Variants in ANKRD44 observed in about 807,000 individuals in gnomAD.
The protein encoded by ANKRD44 is serine/threonine-protein phosphatase 6 regulatory ankyrin repeat subunit B.
A neutral mutation model predicts 116.0 loss-of-function variants in ANKRD44; 35 were observed. The ratio of observed to expected loss-of-function variants is 0.30; its 90% CI spans 0.23 to 0.40. ANKRD44 has a LOEUF of 0.40. Among genes scored for constraint, ANKRD44 ranks in the 10% least tolerant of loss-of-function variants. ANKRD44 has a pLI of 1.00. For missense variants in ANKRD44, 1,014 were observed against 1,242.6 expected (o/e 0.82, Z 2.77); for synonymous variants, 435 against 461.8 (o/e 0.94, Z 0.74).
chr2:197,177,620 A>G (rs1487153817), intron 2 of ANKRD44, among the ~76,000 whole-genome samples: 1 of 152,156 alleles, frequency 6.6e-6, no homozygotes, highest in African/African-American at 2.4e-5. Context: ...ATATATTTAT[A>G]TAAATTTTTT....
intron 1 of ANKRD44, among the ~76,000 whole-genome samples, chr2:197,306,652 G>A (rs2084082802): frequency 6.6e-6 from 1 of 152,138 alleles, no homozygotes; most frequent in South Asian, 2.1e-4. Context: ...GGGAGCCATG[G>A]AAGAACAAGG....
intron 1 of ANKRD44, among the ~76,000 whole-genome samples, chr2:197,288,424 C>A (rs542655223): frequency 6.6e-6 from 1 of 152,106 alleles, no homozygotes; most frequent in African/African-American, 2.4e-5. Context: ...GCATGGCAAT[C>A]TCTCAAAGAA....
At chr2:197,119,861 G>A (rs1367461115) in intron 8 of ANKRD44, among the ~76,000 whole-genome samples, 2 of 152,118 alleles carry the variant, frequency 1.3e-5, no homozygotes, top group Non-Finnish European at 2.9e-5. Context: ...AAGTGATGTC[G>A]CCCAAATTAT....
intron 16 of ANKRD44, among the ~76,000 whole-genome samples, chr2:197,064,401 C>A (rs1171796825): frequency 6.6e-6 from 1 of 152,132 alleles, no homozygotes; most frequent in African/African-American, 2.4e-5. Context: ...GACTAACGAG[C>A]AAAATAACCA....
intron 12 of ANKRD44, among the ~76,000 whole-genome samples, chr2:197,086,970 C>T (rs1307634635): frequency 6.6e-6 from 1 of 152,080 alleles, no homozygotes; most frequent in Non-Finnish European, 1.5e-5. Flanking sequence ...GATTAAAGAG[C>T]TTGGTGGAAT....
At chr2:197,176,114 C>G (rs2080358384) in intron 2 of ANKRD44, among the ~76,000 whole-genome samples, 1 of 152,134 alleles carries the variant, frequency 6.6e-6, no homozygotes, top group African/African-American at 2.4e-5. Context: ...GAGATAGAAG[C>G]CATCTACCAA....
chr2:196,999,197 A>C, intron 23 of ANKRD44, 145 bp from the exon 24 acceptor site: 1 of 938,108 alleles, frequency 1.1e-6, no homozygotes, highest in Non-Finnish European at 1.6e-6. Flanking sequence ...CCTCCCTCTA[A>C]AGGTCATCCA....
intron 1 of ANKRD44, among the ~76,000 whole-genome samples, chr2:197,219,045 G>A (rs1401058520): frequency 1.4e-5 from 2 of 148,098 alleles, no homozygotes; most frequent in Non-Finnish European, 3.0e-5. Context: ...TTACAAGTGT[G>A]AGCCACCATG....
chr2:197,152,988 AG>A (rs1236862446), intron 2 of ANKRD44, among the ~76,000 whole-genome samples: 1 of 152,074 alleles, frequency 6.6e-6, no homozygotes, highest in Non-Finnish European at 1.5e-5. Flanking sequence ...AGGCTGAGGC[AG>A]ATGGATGGCT....
rs756657267 is a variant in ANKRD44 at position 197,090,049 on chromosome 2, C to T, written c.1101-17G>A. The T allele has an allele frequency of 6.3e-7, 1 of 1,594,438 alleles. No individual in the cohort carries two copies. Among genetic ancestry groups the T allele is most frequent in the Admixed American group, 1.7e-5 (1 of 59,978 alleles). On this transcript the variant is annotated splice_polypyrimidine_tract_variant and intron_variant, in intron 10 of 27. Transcript: ENST00000282272. ...ATTCCACACCTGAGGAGTAAGAAAA[C>T]AGAGCAACTCACGGCAACAGATCTC...
At chr2:197,165,787 G>A (rs56055553) in intron 2 of ANKRD44, among the ~76,000 whole-genome samples, 8,674 of 152,178 alleles carry the variant, frequency 0.057, 823 homozygotes, top group African/African-American at 0.2. Flanking sequence ...GTAACTATGA[G>A]CATCTATTGG....
At chr2:197,012,022 C>T (rs772415369) in intron 18 of ANKRD44, among the ~76,000 whole-genome samples, 3 of 152,188 alleles carry the variant, frequency 2.0e-5, no homozygotes, top group African/African-American at 7.2e-5. Context: ...CTCTCATACT[C>T]GTCCTGGCTC....
intron 1 of ANKRD44, among the ~76,000 whole-genome samples, chr2:197,239,302 G>A (rs1244264189): frequency 2.0e-5 from 3 of 152,158 alleles, no homozygotes; most frequent in African/African-American, 7.2e-5. Context: ...AGAGAGCATG[G>A]CTCACTGAAG....
intron 4 of ANKRD44, among the ~76,000 whole-genome samples, chr2:197,129,159 T>C (rs2079043441): frequency 6.6e-6 from 1 of 151,172 alleles, no homozygotes; most frequent in Non-Finnish European, 1.5e-5. Context: ...TTTTTTGAGA[T>C]AGAGTCTTGC....
At chr2:197,161,426 T>C (rs2079962108) in intron 2 of ANKRD44, among the ~76,000 whole-genome samples, 1 of 152,116 alleles carries the variant, frequency 6.6e-6, no homozygotes, top group South Asian at 2.1e-4. Context: ...GCTTTGTATT[T>C]CAGGACTAAC....
At chr2:197,143,839 G>A (rs2079434166) in intron 3 of ANKRD44, among the ~76,000 whole-genome samples, 3 of 152,106 alleles carry the variant, frequency 2.0e-5, no homozygotes, top group African/African-American at 7.2e-5. Flanking sequence ...ATGTTGGCCA[G>A]GCTGGTCTTG....
chr2:197,258,835 CA>C (rs1310013651), intron 1 of ANKRD44, among the ~76,000 whole-genome samples: 2 of 152,156 alleles, frequency 1.3e-5, no homozygotes, highest in Non-Finnish European at 2.9e-5. Context: ...CCCTAATGAT[CA>C]GTGATTGCTC....
At chr2:197,163,554 T>C (rs1000425201) in intron 2 of ANKRD44, among the ~76,000 whole-genome samples, 2 of 152,222 alleles carry the variant, frequency 1.3e-5, no homozygotes, top group Non-Finnish European at 2.9e-5. Flanking sequence ...GTGTGGAACA[T>C]TTCCAGGCGT....
In ANKRD44 at chr2:196,988,498, A is replaced by G; in HGVS notation, c.*1093T>C. The G allele has an allele frequency of 1.1e-5, 11 of 985,456 alleles. No individual in the cohort carries two copies. In the South Asian group the frequency reaches 5.2e-4, roughly 46 times the overall value. The allele number at this position is 985,456 out of a possible 1,614,324, so 61.0% of individuals were successfully genotyped here. ...AATACCAGTTCAATAAATCCTTTGA[A>G]CAAGTTCTCATTTGTGAAGAACCCA... On this transcript the variant is annotated 3_prime_UTR_variant, in exon 28 of 28. Coordinates refer to ENST00000282272, the MANE Select transcript of ANKRD44 (RefSeq NM_001195144.2).
Sources: allele counts gnomAD v4.1 joint callset (sites outside exome capture counted in the v4.1 genomes callset), GRCh38; gene constraint gnomAD v4.1.1; transcripts MANE v1.5; gene names NCBI Gene and HGNC (gene_info 2026-07-23, HGNC 2026-07-21).